Variants in FLYWCH1 observed in about 807,000 individuals in gnomAD.
FLYWCH1 encodes FLYWCH-type zinc finger 1, also known as FLYWCH-type zinc finger-containing protein 1.
FLYWCH1 carries 75 observed loss-of-function variants against 66.4 expected under a neutral mutation model. That is an observed-to-expected ratio of 1.13 (90% CI 0.94 to 1.37). The LOEUF (loss-of-function observed/expected upper bound fraction) is 1.37. FLYWCH1 is among the 40% of genes most tolerant of loss of function. The pLI, the probability that FLYWCH1 is intolerant of heterozygous loss-of-function variation, is 0.00. For missense variants in FLYWCH1, 1,334 were observed against 1,001.8 expected (o/e 1.33, Z -4.48); for synonymous variants, 595 against 429.9 (o/e 1.38, Z -4.75).
At chr16:2,934,062 C>G in intron 6 of FLYWCH1, 83 bp downstream of exon 6, 1 of 1,410,416 alleles carries the variant, frequency 7.1e-7, no homozygotes, top group East Asian at 2.5e-5. Context: ...GCTGCGGCTC[C>G]CCCTGGCAAA....
chr16:2,945,813 T>A (rs9921131), intron 9 of FLYWCH1, among the ~76,000 whole-genome samples: 2 of 151,768 alleles, frequency 1.3e-5, no homozygotes, highest in Admixed American at 6.6e-5. Context: ...CTGGCTAACA[T>A]GGTGAAATCC....
At position 2,946,744 on chromosome 16, in the gene FLYWCH1, A is replaced by C. The variant is rs375440080; in HGVS notation, c.2112-1944A>C. The stretch of plus-strand genomic sequence containing the variant: ...ATTCAAAGATATACAAATGGCCGAT[A>C]GGGATAGATTCTCAACTTCATCAGT... On this transcript the variant is annotated intron_variant, in intron 9 of 9. Transcript: ENST00000253928. 4.9e-3 allele frequency among the ~76,000 whole-genome samples: 742 copies of C among 152,302 alleles called. 4 individuals carry two copies. Among genetic ancestry groups the C allele is most frequent in the Admixed American group, 9.2e-3 (141 of 15,294 alleles).
chr16:2,930,823 C>A lies in FLYWCH1; in HGVS notation c.739C>A (p.Pro247Thr). Residue 247 changes from proline (P) to threonine (T), a missense_variant, in exon 4 of 10, where the codon CCC becomes ACC. Physicochemically the swap from Pro to Thr is conservative, Grantham distance 38 (BLOSUM62 -1). Coordinates refer to ENST00000253928, the MANE Select transcript of FLYWCH1 (RefSeq NM_001308068.2). ...SKPALEEEEA[P>T]RALSLLSLPP... ...GCCGGCCCTGGAGGAGGAGGAGGCACCCCGAGCCCTGTCACTGCTGAGCCT... is the reference window on the plus strand; with the variant it reads ...GCCGGCCCTGGAGGAGGAGGAGGCAACCCGAGCCCTGTCACTGCTGAGCCT... The A allele has an allele frequency of 6.2e-7, 1 of 1,602,904 alleles. No homozygotes were observed.
chr16:2,930,050 G>A, intron 3 of FLYWCH1, 40 bp downstream of exon 3: 2 of 1,553,040 alleles, frequency 1.3e-6, no homozygotes, highest in Non-Finnish European at 8.8e-7. Flanking sequence ...CCACCCCGTG[G>A]GTTCCAGCGC....
chr16:2,927,718 C>A (rs1409265053), intron 2 of FLYWCH1, among the ~76,000 whole-genome samples: 4 of 152,222 alleles, frequency 2.6e-5, no homozygotes, highest in Non-Finnish European at 4.4e-5. Context: ...CGTGGGTTCA[C>A]GCCCCACACT....
At chr16:2,941,814 G>C (rs2071273177) in intron 9 of FLYWCH1, among the ~76,000 whole-genome samples, 1 of 151,596 alleles carries the variant, frequency 6.6e-6, no homozygotes, top group Non-Finnish European at 1.5e-5. Flanking sequence ...CGAGACCACG[G>C]GTTCAAGACC....
chr16:2,931,228 A>G (rs2070750932), intron 4 of FLYWCH1, among the ~76,000 whole-genome samples: 1 of 147,978 alleles, frequency 6.8e-6, no homozygotes, highest in East Asian at 2.0e-4. Context: ...GCTTGAACCC[A>G]GGAGGCAGAG....
At chr16:2,917,982 C>T (rs1323298688) in intron 2 of FLYWCH1, among the ~76,000 whole-genome samples, 4 of 151,252 alleles carry the variant, frequency 2.6e-5, no homozygotes, top group African/African-American at 4.9e-5. Flanking sequence ...GGATTACAGG[C>T]GCCCGCCACC....
In FLYWCH1 at chr16:2,933,339, G is replaced by A. The variant is rs1293585860; in HGVS notation, c.1006G>A (p.Glu336Lys). Residue 336 changes from glutamate (E) to lysine (K), a missense_variant, in exon 5 of 10, where the codon GAG becomes AAG. Glu to Lys is a moderately conservative substitution (Grantham distance 56). Transcript: ENST00000253928. The stretch of plus-strand genomic sequence containing the variant: ...TGGGCACTGCCACCAGCCCGATATG[G>A]AGGGCCTGGAAGCCCGGCGGCAGCA... The part of the protein sequence containing the change: ...MRGHCHQPDM[E>K]GLEARRQQEK... 3.7e-6 allele frequency: 6 copies of A among 1,608,364 alleles called. No individual in the cohort carries two copies. The highest frequency in any genetic ancestry group is 5.1e-6 in the Non-Finnish European group (6 of 1,177,818).
rs1018752759 is a variant in FLYWCH1 at position 2,938,277 on chromosome 16, G to A, written c.1871G>A (p.Gly624Glu). ...SFLYRKEKAA[G>E]EKVYWMCRDQ... Reference sequence around the variant, plus strand: ...CTCTACAGGAAGGAGAAGGCGGCTGGGGAGAAGGTGTACTGGATGTGCCGG... The same window carrying A: ...CTCTACAGGAAGGAGAAGGCGGCTGAGGAGAAGGTGTACTGGATGTGCCGG... The change falls in exon 8 of 10, where the codon GGG becomes GAG. Residue 624 changes from glycine (G) to glutamate (E), a missense_variant. Gly to Glu is a moderately conservative substitution (Grantham distance 98). Coordinates refer to ENST00000253928, the MANE Select transcript of FLYWCH1 (RefSeq NM_001308068.2). 1.2e-6 allele frequency: 2 copies of A among 1,612,894 alleles called. No individual in the cohort carries two copies. Among genetic ancestry groups the A allele is most frequent in the Non-Finnish European group, 1.7e-6 (2 of 1,179,482 alleles).
intron 8 of FLYWCH1, 95 bp from the exon 9 acceptor site, chr16:2,939,937 C>T (rs2071191170): frequency 2.7e-6 from 4 of 1,466,600 alleles, no homozygotes; most frequent in African/African-American, 2.8e-5. Flanking sequence ...TCCTCACAGC[C>T]TTGAGGGCGT....
intron 2 of FLYWCH1, among the ~76,000 whole-genome samples, chr16:2,916,492 C>G (rs2070172160): frequency 6.6e-6 from 1 of 151,864 alleles, no homozygotes; most frequent in Non-Finnish European, 1.5e-5. Context: ...AAAAAATTAT[C>G]CAGGCCTGGT....
chr16:2,913,404 TG>T (rs1296258610), intron 1 of FLYWCH1, among the ~76,000 whole-genome samples: 5 of 152,012 alleles, frequency 3.3e-5, no homozygotes, highest in African/African-American at 1.2e-4. Context: ...AATACCGGGC[TG>T]GGGGGGTCTC....
intron 6 of FLYWCH1, chr16:2,936,458 CGCTGG>C: frequency 2.0e-5 from 9 of 447,396 alleles, no homozygotes; most frequent in East Asian, 7.0e-5. Context: ...TCCCGCCCCC[CGCTGG>C]CCTCTCCTCT....
chr16:2,932,478 A>C (rs1182575805), intron 4 of FLYWCH1, among the ~76,000 whole-genome samples: 1 of 152,034 alleles, frequency 6.6e-6, no homozygotes, highest in African/African-American at 2.4e-5. Context: ...GGCAAGTGGC[A>C]GATGGGAGTT....
intron 9 of FLYWCH1, among the ~76,000 whole-genome samples, chr16:2,946,092 TA>T (rs1408348942): frequency 6.6e-6 from 1 of 152,064 alleles, no homozygotes; most frequent in African/African-American, 2.4e-5. Flanking sequence ...TGAGTGTAAT[TA>T]AAAAAAGCAA....
rs953512208 is a variant in FLYWCH1 at position 2,948,955 on chromosome 16, C to T, written c.*228C>T. Reference sequence around the variant, plus strand: ...AGCTGGCGCTTGCAGACGCAGCTGTCGTGGGGCAGGGCGGTGGCGCCTTCC... The same window carrying T: ...AGCTGGCGCTTGCAGACGCAGCTGTTGTGGGGCAGGGCGGTGGCGCCTTCC... On this transcript the variant is annotated 3_prime_UTR_variant, in exon 10 of 10. Transcript: ENST00000253928. The T allele has an allele frequency of 1.1e-5, 6 of 544,728 alleles. No individual in the cohort carries two copies. Among genetic ancestry groups the T allele is most frequent in the African/African-American group, 9.5e-5 (5 of 52,410 alleles). The allele number at this position is 544,728 out of a possible 1,614,324, so 33.7% of individuals were successfully genotyped here.
chr16:2,924,662 A>AC (rs904867350), intron 2 of FLYWCH1, among the ~76,000 whole-genome samples: 16 of 151,866 alleles, frequency 1.1e-4, no homozygotes, highest in Non-Finnish European at 1.3e-4. Context: ...GGGTCACGCA[A>AC]CCCCCCCAGG....
intron 2 of FLYWCH1, among the ~76,000 whole-genome samples, chr16:2,917,968 G>T (rs1029465854): frequency 9.9e-5 from 15 of 151,828 alleles, no homozygotes; most frequent in African/African-American, 3.6e-4. Context: ...CTCCTGAGTA[G>T]CTGGGATTAC....
Sources: allele counts gnomAD v4.1 joint callset (sites outside exome capture counted in the v4.1 genomes callset), GRCh38; gene constraint gnomAD v4.1.1; transcripts MANE v1.5; gene names NCBI Gene and HGNC (gene_info 2026-07-23, HGNC 2026-07-21).